Variants in RTL4 observed in about 807,000 individuals in gnomAD.
The protein encoded by RTL4 is retrotransposon Gag like 4, also known as retrotransposon Gag-like protein 4.
In RTL4, 4 loss-of-function variants were observed where a neutral mutation model predicts 5.3. The observed-to-expected ratio is 0.75, with a 90% CI of 0.37 to 1.72. RTL4 has a LOEUF of 1.72. Ranked by LOEUF, RTL4 falls within the 40% of genes most tolerant of loss-of-function variation. The pLI is 0.04. For missense variants in RTL4, 260 were observed against 227.1 expected (o/e 1.14, Z -0.93); for synonymous variants, 98 against 87.3 (o/e 1.12, Z -0.68).
the RTL4 span, among the ~76,000 whole-genome samples, chrX:112,275,186 C>CTT: frequency 0.025 from 2,397 of 96,940 alleles, 76 homozygotes; most frequent in African/African-American, 0.085. Context: ...TTCTTTCTTG[C>CTT]TTTTTTTTTT....
At chrX:112,394,816 T>C in the RTL4 span, among the ~76,000 whole-genome samples, 1 of 112,251 alleles carries the variant, frequency 8.9e-6, no homozygotes, top group Non-Finnish European at 1.9e-5. Context: ...GATAAAATAA[T>C]TTGAAAGTAT....
At chrX:112,369,891 A>G in the RTL4 span, among the ~76,000 whole-genome samples, 1 of 112,091 alleles carries the variant, frequency 8.9e-6, no homozygotes, top group African/African-American at 3.2e-5. Flanking sequence ...GGATTTCCTG[A>G]TGGATTGAAT....
At chrX:112,196,270 G>A in the RTL4 span, among the ~76,000 whole-genome samples, 14 of 110,529 alleles carry the variant, frequency 1.3e-4, no homozygotes, top group Non-Finnish European at 1.1e-4. Context: ...TTTTTCACTC[G>A]ACGTAATTTT....
At chrX:112,233,770 G>T in the RTL4 span, among the ~76,000 whole-genome samples, 1 of 111,223 alleles carries the variant, frequency 9.0e-6, no homozygotes, top group Non-Finnish European at 1.9e-5. Flanking sequence ...GATATGCAAT[G>T]AGGATTAAGC....
the RTL4 span, chrX:112,381,315 G>C: frequency 8.3e-7 from 1 of 1,210,372 alleles, no homozygotes; most frequent in Non-Finnish European, 1.1e-6. Context: ...CCGTATCATA[G>C]TCTAATAAAT....
the RTL4 span, among the ~76,000 whole-genome samples, chrX:112,306,800 C>T: frequency 0.019 from 2,161 of 111,416 alleles, 149 homozygotes; most frequent in Admixed American, 0.18. Context: ...TTACCTCCTC[C>T]GTAGGAAACT....
the RTL4 span, among the ~76,000 whole-genome samples, chrX:112,419,597 T>A: frequency 1.4e-3 from 66 of 46,811 alleles, no homozygotes; most frequent in East Asian, 3.4e-3. Context: ...ATATATATTT[T>A]TACATATGTA....
At chrX:112,319,173 C>T in the RTL4 span, among the ~76,000 whole-genome samples, 1 of 111,737 alleles carries the variant, frequency 8.9e-6, no homozygotes, top group Non-Finnish European at 1.9e-5. Flanking sequence ...GATACTTGAC[C>T]TCTGGATGTC....
the RTL4 span, among the ~76,000 whole-genome samples, chrX:112,412,252 T>A: frequency 9.0e-6 from 1 of 111,391 alleles, no homozygotes; most frequent in Non-Finnish European, 1.9e-5. Flanking sequence ...ATTGGAAGAA[T>A]CAATATTGTT....
At chrX:112,278,005 G>C in the RTL4 span, among the ~76,000 whole-genome samples, 3 of 111,955 alleles carry the variant, frequency 2.7e-5, no homozygotes, top group Non-Finnish European at 5.6e-5. Context: ...GATGATTTAA[G>C]TGTTCAGGGA....
the RTL4 span, among the ~76,000 whole-genome samples, chrX:112,257,201 T>C: frequency 9.0e-6 from 1 of 111,664 alleles, no homozygotes; most frequent in Non-Finnish European, 1.9e-5. Flanking sequence ...TAGATTTTTA[T>C]CAAAAGCTTT....
chrX:112,095,929 C>T, the RTL4 span, among the ~76,000 whole-genome samples: 2 of 111,828 alleles, frequency 1.8e-5, no homozygotes, highest in African/African-American at 3.2e-5. Context: ...TTCTAATGAA[C>T]AGCAGAAGAT....
At chrX:112,265,793 A>G in the RTL4 span, among the ~76,000 whole-genome samples, 2 of 97,050 alleles carry the variant, frequency 2.1e-5, no homozygotes, top group Admixed American at 1.2e-4. Context: ...CCCTCCCTTT[A>G]TCCTTCCTCC....
the RTL4 span, among the ~76,000 whole-genome samples, chrX:112,206,834 C>T: frequency 1.8e-5 from 2 of 111,786 alleles, no homozygotes; most frequent in African/African-American, 6.5e-5. Context: ...CCTACTCCTC[C>T]CATTGGCCTT....
chrX:112,391,982 C>T, the RTL4 span, among the ~76,000 whole-genome samples: 1 of 111,498 alleles, frequency 9.0e-6, no homozygotes, highest in African/African-American at 3.3e-5. Flanking sequence ...GTTTGGGGCT[C>T]AAGCCAGGAG....
chrX:112,358,613 A>G, the RTL4 span, among the ~76,000 whole-genome samples: 1 of 110,902 alleles, frequency 9.0e-6, no homozygotes, highest in Non-Finnish European at 1.9e-5. Flanking sequence ...ACATCTTTCT[A>G]CTCTTGACTT....
At chrX:112,278,989 G>A in the RTL4 span, among the ~76,000 whole-genome samples, 1 of 110,841 alleles carries the variant, frequency 9.0e-6, no homozygotes, top group Non-Finnish European at 1.9e-5. Flanking sequence ...ATGAGTGAAA[G>A]GATTAGAAGA....
chrX:112,269,601 T>G, the RTL4 span, among the ~76,000 whole-genome samples: 3 of 112,289 alleles, frequency 2.7e-5, no homozygotes, highest in African/African-American at 9.7e-5. Context: ...TGCCTGTTTT[T>G]CAGTTGAAGA....
the RTL4 span, among the ~76,000 whole-genome samples, chrX:112,355,944 A>G: frequency 2.7e-5 from 3 of 111,357 alleles, no homozygotes; most frequent in African/African-American, 9.8e-5. Context: ...AATTTACCTC[A>G]TGTAGGACAA....
Sources: gnomAD v4.1 joint callset for allele counts (sites outside exome capture counted in the v4.1 genomes callset) on GRCh38, gnomAD v4.1.1 for gene constraint, MANE v1.5 for transcripts, NCBI Gene and HGNC (gene_info 2026-07-23, HGNC 2026-07-21) for gene names.